The following PSD3 variants were observed in gnomAD, a reference collection of about 807,000 sequenced individuals.
The protein encoded by PSD3 is PH and SEC7 domain-containing protein 3.
A neutral mutation model predicts 105.5 loss-of-function variants in PSD3; 49 were observed. The observed-to-expected ratio is 0.46, with a 90% confidence interval of 0.37 to 0.59. PSD3 has a LOEUF of 0.59. PSD3 is among the 20% of genes least tolerant of loss of function. PSD3 has a pLI of 0.00. For missense variants in PSD3, 1,561 were observed against 1,263.8 expected, an observed-to-expected ratio of 1.24 and a Z score of -3.57; for synonymous variants, 557 against 457.8, an observed-to-expected ratio of 1.22 and a Z score of -2.77.
At position 18,534,905 on chromosome 8, in the gene PSD3, C is replaced by T. The variant is rs887374134; in HGVS notation, c.*838G>A. 1.3e-5 allele frequency: 2 copies of T among 152,562 alleles called. No homozygotes were observed. Among genetic ancestry groups the T allele is most frequent in the Non-Finnish European group, 2.9e-5 (2 of 68,050 alleles). The allele number at this position is 152,562 out of a possible 1,614,324, so 9.5% of individuals were successfully genotyped here. ...AGAGATGATGGATTTCTAGTCTAGACCCTGTGGGAGTGAGGTAACAATTCC... is the reference window on the plus strand; with the variant it reads ...AGAGATGATGGATTTCTAGTCTAGATCCTGTGGGAGTGAGGTAACAATTCC... On this transcript the variant is annotated 3_prime_UTR_variant, in exon 16 of 16. Coordinates refer to ENST00000327040, the MANE Select transcript of PSD3 (RefSeq NM_015310.4).
At chr8:18,632,908 T>A (rs1396380863) in intron 10 of PSD3, 102 bp from the exon 11 acceptor site, 4 of 893,960 alleles carry the variant, frequency 4.5e-6, no homozygotes, top group Non-Finnish European at 6.6e-6. Flanking sequence ...CAATGGTGTA[T>A]CACTTTTTAT....
At position 18,722,210 on chromosome 8, in the gene PSD3, T is replaced by A. The variant is rs184843467; in HGVS notation, c.2172+43239A>T. On this transcript the variant is annotated intron_variant, in intron 9 of 15. Coordinates refer to ENST00000327040, the MANE Select transcript of PSD3 (RefSeq NM_015310.4). ...TACCCACAAGGAGGTGGGAGTAATA[T>A]GTCAGTGGGACTAAAATGTATGTGA... 4.6e-5 allele frequency among the ~76,000 whole-genome samples: 7 copies of A among 152,166 alleles called. No individual in the cohort carries two copies. In the East Asian group the frequency reaches 1.4e-3, roughly 29 times the overall value.
chr8:18,961,662 G>C (rs940969951), intron 1 of PSD3, among the ~76,000 whole-genome samples: 6 of 152,200 alleles, frequency 3.9e-5, no homozygotes, highest in African/African-American at 1.4e-4. Context: ...CTGCACTCCA[G>C]CCTGGGTGAC....
intron 11 of PSD3, among the ~76,000 whole-genome samples, chr8:18,619,890 T>C (rs1369170087): frequency 2.0e-5 from 3 of 152,176 alleles, no homozygotes; most frequent in East Asian, 1.9e-4. Flanking sequence ...TGGGGGAAAT[T>C]AACATCTTTG....
At chr8:18,847,454 A>G (rs747258352) in intron 4 of PSD3, among the ~76,000 whole-genome samples, 8 of 152,190 alleles carry the variant, frequency 5.3e-5, no homozygotes, top group Non-Finnish European at 1.0e-4. Context: ...TGGGCAAGCT[A>G]TGCACACTGT....
intron 2 of PSD3, among the ~76,000 whole-genome samples, chr8:18,880,097 G>C (rs1179384006): frequency 1.3e-5 from 2 of 152,000 alleles, no homozygotes; most frequent in Admixed American, 6.6e-5. Flanking sequence ...GTTTGCATTG[G>C]TTATCACAAC....
chr8:18,816,916 G>C (rs1812266649), intron 4 of PSD3, among the ~76,000 whole-genome samples: 1 of 152,160 alleles, frequency 6.6e-6, no homozygotes, highest in Non-Finnish European at 1.5e-5. Context: ...GAGAGGGAGG[G>C]GTTGCTATTT....
At chr8:19,072,657 C>T (rs1011631545) in intron 1 of PSD3, among the ~76,000 whole-genome samples, 7 of 152,170 alleles carry the variant, frequency 4.6e-5, no homozygotes, top group Non-Finnish European at 1.0e-4. Flanking sequence ...GACACAGAAG[C>T]AGTGGAACTG....
At chr8:18,969,332 T>C (rs966749552) in intron 1 of PSD3, among the ~76,000 whole-genome samples, 10 of 152,176 alleles carry the variant, frequency 6.6e-5, no homozygotes, top group African/African-American at 2.4e-4. Flanking sequence ...AAATAAGACA[T>C]CTAAATTTCG....
At chr8:18,818,753 A>C (rs995894220) in intron 4 of PSD3, among the ~76,000 whole-genome samples, 5 of 152,144 alleles carry the variant, frequency 3.3e-5, no homozygotes, top group African/African-American at 1.2e-4. Flanking sequence ...GGGAAGAAAA[A>C]CATTGCATTT....
chr8:18,587,008 G>C (rs1466747849), intron 12 of PSD3, among the ~76,000 whole-genome samples: 1 of 152,178 alleles, frequency 6.6e-6, no homozygotes, highest in Admixed American at 6.5e-5. Context: ...AAATGAGTGA[G>C]CTTTTGTCAA....
At chr8:18,874,693 A>C (rs1817615456) in intron 2 of PSD3, among the ~76,000 whole-genome samples, 1 of 125,116 alleles carries the variant, frequency 8.0e-6, no homozygotes, top group Non-Finnish European at 1.6e-5. Flanking sequence ...ACAGAGCAAG[A>C]CTCCATCTCA....
chr8:18,930,571 T>TG (rs1491037802), intron 2 of PSD3, among the ~76,000 whole-genome samples: 1 of 49,430 alleles, frequency 2.0e-5, no homozygotes, highest in East Asian at 7.6e-4. Flanking sequence ...CTTTTTCAAT[T>TG]TTTTTTTTTT....
chr8:18,608,403 A>T (rs949759453), intron 11 of PSD3, among the ~76,000 whole-genome samples: 12 of 152,162 alleles, frequency 7.9e-5, no homozygotes, highest in African/African-American at 2.9e-4. Context: ...AAGTGAATGA[A>T]ACCAACAAGC....
chr8:19,044,642 A>G (rs1308205705), intron 1 of PSD3, among the ~76,000 whole-genome samples: 1 of 152,182 alleles, frequency 6.6e-6, no homozygotes, highest in East Asian at 1.9e-4. Flanking sequence ...ACGCCAGGTA[A>G]TTGTTTCTAG....
At chr8:18,875,541 C>A (rs1034436592) in intron 2 of PSD3, among the ~76,000 whole-genome samples, 2 of 145,352 alleles carry the variant, frequency 1.4e-5, no homozygotes, top group Non-Finnish European at 3.0e-5. Flanking sequence ...AATTCTAGAA[C>A]TTTTTTTTTT....
chr8:19,038,649 A>T (rs1324352024), intron 1 of PSD3, among the ~76,000 whole-genome samples: 1 of 151,980 alleles, frequency 6.6e-6, no homozygotes, highest in Non-Finnish European at 1.5e-5. Flanking sequence ...TTTTGTAGAG[A>T]CAGGGTCTCG....
At chr8:18,908,750 T>A (rs1820008561) in intron 2 of PSD3, among the ~76,000 whole-genome samples, 1 of 152,218 alleles carries the variant, frequency 6.6e-6, no homozygotes, top group African/African-American at 2.4e-5. Context: ...TTGTCTTGCT[T>A]GTAAGTTCAT....
chr8:18,599,891 A>G (rs1309471690), intron 12 of PSD3, among the ~76,000 whole-genome samples: 3 of 152,188 alleles, frequency 2.0e-5, no homozygotes, highest in Non-Finnish European at 2.9e-5. Flanking sequence ...CTAACATAAA[A>G]TTTAATTTAT....
Sources: gnomAD v4.1 joint callset for allele counts (sites outside exome capture counted in the v4.1 genomes callset) on GRCh38, gnomAD v4.1.1 for gene constraint, MANE v1.5 for transcripts, NCBI Gene and HGNC (gene_info 2026-07-23, HGNC 2026-07-21) for gene names.